The following SVOP variants were observed in gnomAD, a reference collection of about 807,000 sequenced individuals.
SVOP encodes SV2 related protein.
In SVOP, 17 loss-of-function variants were observed where a neutral mutation model predicts 69.1. The ratio of observed to expected loss-of-function variants is 0.25; its 90% CI spans 0.17 to 0.37. SVOP has a LOEUF of 0.37. SVOP is among the 10% of genes least tolerant of loss of function. The probability of loss-of-function intolerance (pLI) is 1.00; values close to 1 mark genes in which losing one functional copy is unlikely to be tolerated. For synonymous variants in SVOP, 238 were observed against 238.6 expected (o/e 1.00, Z 0.02); for missense variants, 435 against 597.5 (o/e 0.73, Z 2.84).
intron 6 of SVOP, among the ~76,000 whole-genome samples, chr12:108,960,667 C>G (rs2040013091): frequency 6.6e-6 from 1 of 152,178 alleles, no homozygotes; most frequent in Admixed American, 6.5e-5. Context: ...AACAGTCAAT[C>G]AATGCTAGAT....
At chr12:108,997,200 G>A (rs1234839110) in intron 1 of SVOP, among the ~76,000 whole-genome samples, 9 of 152,194 alleles carry the variant, frequency 5.9e-5, no homozygotes, top group South Asian at 4.1e-4. Flanking sequence ...AAGGGGTGAC[G>A]GACGCACCTG....
intron 1 of SVOP, among the ~76,000 whole-genome samples, chr12:108,998,664 C>T (rs1251967843): frequency 6.6e-6 from 1 of 152,060 alleles, no homozygotes; most frequent in Non-Finnish European, 1.5e-5. Flanking sequence ...ATTCAACATT[C>T]TTAAAGAAAA....
intron 6 of SVOP, among the ~76,000 whole-genome samples, chr12:108,949,363 C>CA (rs1250788876): frequency 1.3e-5 from 2 of 152,142 alleles, no homozygotes; most frequent in East Asian, 1.9e-4. Context: ...CTCTGCCTCC[C>CA]AGGTTCAAGT....
chr12:109,004,409 A>T (rs974691150), intron 1 of SVOP, among the ~76,000 whole-genome samples: 6 of 75,886 alleles, frequency 7.9e-5, no homozygotes, highest in Non-Finnish European at 2.0e-4. Context: ...AGGTATTGCT[A>T]CTTTTTTTTT....
At chr12:108,950,045 T>A (rs2039945643) in intron 6 of SVOP, among the ~76,000 whole-genome samples, 1 of 152,154 alleles carries the variant, frequency 6.6e-6, no homozygotes. Context: ...AATCTTTTCA[T>A]GTTAATAGAG....
At chr12:108,914,250 G>T (rs914034419) in intron 15 of SVOP, among the ~76,000 whole-genome samples, 2 of 152,112 alleles carry the variant, frequency 1.3e-5, no homozygotes, top group African/African-American at 2.4e-5. Flanking sequence ...TTTATTTTGG[G>T]GTGATGAGAA....
chr12:108,987,439 A>C (rs1461549600), intron 1 of SVOP, among the ~76,000 whole-genome samples: 1 of 152,190 alleles, frequency 6.6e-6, no homozygotes, highest in African/African-American at 2.4e-5. Context: ...TCCTGCTTTC[A>C]CTTATTTTAG....
At chr12:108,917,401 A>G (rs944397928) in intron 14 of SVOP, among the ~76,000 whole-genome samples, 1 of 152,240 alleles carries the variant, frequency 6.6e-6, no homozygotes, top group Non-Finnish European at 1.5e-5. Context: ...CTTGTAAAAA[A>G]TCAAAATGCC....
intron 1 of SVOP, among the ~76,000 whole-genome samples, chr12:108,990,177 C>T (rs1205955706): frequency 6.6e-6 from 1 of 152,100 alleles, no homozygotes; most frequent in Non-Finnish European, 1.5e-5. Flanking sequence ...ACTGAGCTGG[C>T]TTGTGTGGGC....
chr12:108,948,603 C>T (rs1163704528), intron 6 of SVOP, among the ~76,000 whole-genome samples: 1 of 152,220 alleles, frequency 6.6e-6, no homozygotes, highest in African/African-American at 2.4e-5. Context: ...TTATAAACAA[C>T]ACTTCCTTAA....
intron 5 of SVOP, among the ~76,000 whole-genome samples, chr12:108,965,745 G>A (rs2040041673): frequency 6.6e-6 from 1 of 152,106 alleles, no homozygotes; most frequent in South Asian, 2.1e-4. Flanking sequence ...TCTCTAACAC[G>A]TTCAACCGAA....
chr12:109,021,045 C>T lies in SVOP; in HGVS notation c.-177G>A, dbSNP rs767681151. On this transcript the variant is annotated 5_prime_UTR_variant, in exon 1 of 16. Transcript: ENST00000610966. ...ACCAGCCCACGAGACAAAGCCTCCG[C>T]CGCCAGGAGACCGCGGCGAGAGTGG... 2.3e-4 allele frequency: 128 copies of T among 557,794 alleles called. No homozygotes were observed. Among genetic ancestry groups the T allele is most frequent in the Non-Finnish European group, 3.7e-4 (116 of 312,652 alleles). 34.6% of individuals were successfully genotyped at this position (557,794 alleles called of 1,614,324 possible). A position where few individuals can be genotyped will look rare whatever the true frequency, so the allele number is the denominator to read the frequency against.
At chr12:108,961,557 C>T (rs555533445) in intron 5 of SVOP, among the ~76,000 whole-genome samples, 3 of 151,736 alleles carry the variant, frequency 2.0e-5, no homozygotes, top group African/African-American at 7.3e-5. Context: ...TTTCAGAAAA[C>T]CATGCTGTCA....
chr12:108,973,266 C>T (rs2040089052), intron 4 of SVOP, among the ~76,000 whole-genome samples: 1 of 152,158 alleles, frequency 6.6e-6, no homozygotes, highest in Non-Finnish European at 1.5e-5. Context: ...GAGGGGAGGG[C>T]ACAGATTCAG....
At chr12:108,984,391 C>T (rs2040156685) in intron 1 of SVOP, among the ~76,000 whole-genome samples, 1 of 152,196 alleles carries the variant, frequency 6.6e-6, no homozygotes, top group African/African-American at 2.4e-5. Context: ...TAGAATATCT[C>T]GCTGTCTGGA....
chr12:108,963,652 A>C (rs2040029241), intron 5 of SVOP, among the ~76,000 whole-genome samples: 1 of 152,034 alleles, frequency 6.6e-6, no homozygotes, highest in South Asian at 2.1e-4. Flanking sequence ...ATGGCCAGCT[A>C]ATTTTTGTAC....
intron 5 of SVOP, among the ~76,000 whole-genome samples, chr12:108,962,050 A>C (rs181938587): frequency 6.6e-6 from 1 of 152,212 alleles, no homozygotes; most frequent in South Asian, 2.1e-4. Flanking sequence ...AATGAATGAC[A>C]TACTCTTACA....
chr12:108,970,660 G>A (rs1344915356), intron 5 of SVOP, among the ~76,000 whole-genome samples: 1 of 152,136 alleles, frequency 6.6e-6, no homozygotes, highest in Non-Finnish European at 1.5e-5. Flanking sequence ...ATGGGGTCTT[G>A]TCAGAAATGC....
chr12:108,940,053 C>T (rs1374384845), intron 8 of SVOP, among the ~76,000 whole-genome samples: 8 of 152,122 alleles, frequency 5.3e-5, no homozygotes, highest in African/African-American at 1.9e-4. Flanking sequence ...AACTTGTGGG[C>T]TTTATTTGTT....
Sources: allele counts gnomAD v4.1 joint callset (sites outside exome capture counted in the v4.1 genomes callset), GRCh38; gene constraint gnomAD v4.1.1; transcripts MANE v1.5; gene names NCBI Gene and HGNC (gene_info 2026-07-23, HGNC 2026-07-21).